The following CAST variants were observed in gnomAD, a reference collection of about 807,000 sequenced individuals.
CAST encodes the protein calpastatin, also known as MIR583 host.
In CAST, 76 loss-of-function variants were observed where a neutral mutation model predicts 119.6. That is an observed-to-expected ratio of 0.64 (90% CI 0.53 to 0.77). The LOEUF is 0.77. Ranked by LOEUF, CAST falls within the 30% of genes least tolerant of loss-of-function variation. The pLI is 0.00. For missense variants in CAST, 953 were observed against 946.5 expected (o/e 1.01, Z -0.09); for synonymous variants, 319 against 331.6 (o/e 0.96, Z 0.41).
rs749489430 is a variant in CAST, at chr5:96,726,775, G to A, written c.271-19G>A. On this transcript the variant is annotated intron_variant, in intron 4 of 31. Coordinates refer to ENST00000675179, the MANE Select transcript of CAST (RefSeq NM_001750.7). ...ACAGATAAAATAAAATTATACCTGG[G>A]GCTGTGCTCTTATATTAGGCCATTC... 122 of 1,580,014 alleles carry A rather than the reference G, an allele frequency of 7.7e-5. No individual in the cohort carries two copies. The highest frequency in any genetic ancestry group is 9.7e-5 in the Non-Finnish European group (112 of 1,152,756).
chr5:96,377,800 C>T, the CAST span, among the ~76,000 whole-genome samples: 1 of 152,090 alleles, frequency 6.6e-6, no homozygotes, highest in African/African-American at 2.4e-5. Context: ...TTCCCCCACT[C>T]AGCAGTTTAC....
intron 1 of CAST, among the ~76,000 whole-genome samples, chr5:96,563,523 G>A (rs989970030): frequency 6.6e-6 from 1 of 152,042 alleles, no homozygotes; most frequent in Non-Finnish European, 1.5e-5. Context: ...CAAGAAATTG[G>A]CAATGGTAGT....
the CAST span, among the ~76,000 whole-genome samples, chr5:95,968,779 G>A: frequency 6.6e-6 from 1 of 152,170 alleles, no homozygotes; most frequent in South Asian, 2.1e-4. Flanking sequence ...CCAATATTGG[G>A]AACGTTTGCT....
At chr5:96,160,156 T>C in the CAST span, among the ~76,000 whole-genome samples, 3 of 150,718 alleles carry the variant, frequency 2.0e-5, no homozygotes, top group Admixed American at 2.0e-4. Context: ...AAAAAAAAAA[T>C]GTAAATGGCC....
chr5:96,492,432 T>A, the CAST span, among the ~76,000 whole-genome samples: 2 of 152,218 alleles, frequency 1.3e-5, no homozygotes, highest in Non-Finnish European at 1.5e-5. Flanking sequence ...TTCCTGAAAC[T>A]CTATGGAAGT....
chr5:96,736,452 T>A (rs549852805), intron 10 of CAST, among the ~76,000 whole-genome samples: 107 of 148,744 alleles, frequency 7.2e-4, no homozygotes, highest in African/African-American at 2.3e-3. Flanking sequence ...ACCCCTTTTT[T>A]AAAAAAAAAC....
At chr5:96,495,643 A>C in the CAST span, among the ~76,000 whole-genome samples, 2 of 152,178 alleles carry the variant, frequency 1.3e-5, no homozygotes, top group African/African-American at 4.8e-5. Context: ...CATATGTGCC[A>C]CATTTTCTTT....
the CAST span, among the ~76,000 whole-genome samples, chr5:96,181,601 C>T: frequency 6.6e-6 from 1 of 152,200 alleles, no homozygotes; most frequent in Non-Finnish European, 1.5e-5. Flanking sequence ...AATGGAGCAT[C>T]ACAGTAACTC....
chr5:96,215,849 C>A, the CAST span, among the ~76,000 whole-genome samples: 1 of 151,976 alleles, frequency 6.6e-6, no homozygotes, highest in East Asian at 1.9e-4. Context: ...GCTCTGTCAC[C>A]CAGTCTGCAG....
intron 1 of CAST, among the ~76,000 whole-genome samples, chr5:96,650,771 G>A (rs979170484): frequency 5.1e-5 from 7 of 137,322 alleles, no homozygotes; most frequent in African/African-American, 8.1e-5. Context: ...TGTGTGTAGC[G>A]TGTGGGCATT....
intron 1 of CAST, among the ~76,000 whole-genome samples, chr5:96,616,913 G>A (rs558471626): frequency 3.9e-5 from 6 of 151,996 alleles, no homozygotes; most frequent in South Asian, 2.1e-4. Flanking sequence ...CTCTGAGTCC[G>A]AAGCCTCTGG....
At chr5:96,609,919 TG>T (rs1233427683) in intron 1 of CAST, among the ~76,000 whole-genome samples, 1 of 152,076 alleles carries the variant, frequency 6.6e-6, no homozygotes, top group East Asian at 1.9e-4. Context: ...ATGGCATGAT[TG>T]GTTTTGAAAT....
chr5:96,529,944 G>A (rs546289012), intron 1 of CAST: 45 of 313,246 alleles, frequency 1.4e-4, no homozygotes, highest in Middle Eastern at 7.3e-4. Flanking sequence ...TCATAGAACC[G>A]TGAGAATGGA....
the CAST span, among the ~76,000 whole-genome samples, chr5:96,274,616 T>A: frequency 6.6e-6 from 1 of 152,246 alleles, no homozygotes; most frequent in Non-Finnish European, 1.5e-5. Flanking sequence ...TTTGTGTGCG[T>A]GTCTACATTT....
the CAST span, among the ~76,000 whole-genome samples, chr5:96,306,037 C>T: frequency 5.3e-3 from 811 of 152,256 alleles, 9 homozygotes; most frequent in African/African-American, 0.017. Flanking sequence ...AGCTCCTCCT[C>T]GTACCTCTGT....
chr5:96,331,565 G>A, the CAST span, among the ~76,000 whole-genome samples: 7 of 152,176 alleles, frequency 4.6e-5, no homozygotes, highest in African/African-American at 1.7e-4. Context: ...CAATCAATCA[G>A]CTCATGCTGT....
the CAST span, among the ~76,000 whole-genome samples, chr5:96,097,243 C>T: frequency 6.6e-6 from 1 of 151,630 alleles, no homozygotes; most frequent in Admixed American, 6.6e-5. Context: ...TAATATTAGC[C>T]TTTTTGAATT....
At chr5:96,407,033 ATAAATTCCAGAGGGAT>A in the CAST span, among the ~76,000 whole-genome samples, 1 of 152,242 alleles carries the variant, frequency 6.6e-6, no homozygotes, top group African/African-American at 2.4e-5. Flanking sequence ...ATACACTAAA[ATAAATTCCAGAGGGAT>A]TTAGAATTTA....
At chr5:96,749,541 GTTTGTTTTGT>G (rs1202205279) in intron 19 of CAST, among the ~76,000 whole-genome samples, 1 of 151,972 alleles carries the variant, frequency 6.6e-6, no homozygotes, top group Non-Finnish European at 1.5e-5. Flanking sequence ...CTTTTTGTTT[GTTTGTTTTGT>G]TTTGTTTTTT....
Sources: gnomAD v4.1 joint callset for allele counts (sites outside exome capture counted in the v4.1 genomes callset) on GRCh38, gnomAD v4.1.1 for gene constraint, MANE v1.5 for transcripts, NCBI Gene and HGNC (gene_info 2026-07-23, HGNC 2026-07-21) for gene names.